NOMO2: variants seen among roughly 807,000 people sequenced by gnomAD.
NOMO2 encodes BOS complex subunit NOMO2.
NOMO2 carries 14 observed loss-of-function variants against 67.1 expected under a neutral mutation model. That is an observed-to-expected ratio of 0.21 (90% CI 0.14 to 0.33). The LOEUF (loss-of-function observed/expected upper bound fraction) is 0.33. NOMO2 is among the 10% of genes least tolerant of loss of function. The probability of loss-of-function intolerance (pLI) is 1.00; values close to 1 mark genes in which losing one functional copy is unlikely to be tolerated. For missense variants in NOMO2, 178 were observed against 761.0 expected (o/e 0.23, Z 9.01); for synonymous variants, 80 against 305.9 (o/e 0.26, Z 7.71).
At chr16:18,559,251 G>A (rs1255735471) in intron 1 of NOMO2, among the ~76,000 whole-genome samples, 1 of 152,028 alleles carries the variant, frequency 6.6e-6, no homozygotes. Flanking sequence ...GCAACACAGT[G>A]TAATACGTAG....
chr16:18,545,318 G>A (rs1166578867), intron 6 of NOMO2, among the ~76,000 whole-genome samples: 75 of 150,588 alleles, frequency 5.0e-4, no homozygotes, highest in Middle Eastern at 3.4e-3. Flanking sequence ...GGTTGGTCTC[G>A]AACTCCTGAC....
intron 6 of NOMO2, among the ~76,000 whole-genome samples, chr16:18,545,341 A>C (rs1901643154): frequency 6.6e-6 from 1 of 151,164 alleles, no homozygotes; most frequent in Non-Finnish European, 1.5e-5. Flanking sequence ...CAAGTGATCC[A>C]CCCACCTCAG....
At chr16:18,545,464 TAAG>T (rs1901646385) in intron 6 of NOMO2, among the ~76,000 whole-genome samples, 1 of 151,720 alleles carries the variant, frequency 6.6e-6, no homozygotes, top group Admixed American at 6.6e-5. Flanking sequence ...TCATAAACAG[TAAG>T]AAGAGACATC....
At chr16:18,544,658 CCA>C in intron 6 of NOMO2, among the ~76,000 whole-genome samples, 1 of 152,208 alleles carries the variant, frequency 6.6e-6, no homozygotes, top group African/African-American at 2.4e-5. Context: ...CGCAACAGTG[CCA>C]CAGTCACTGT....
chr16:18,534,646 G>A (rs1901379322), intron 11 of NOMO2, among the ~76,000 whole-genome samples: 1 of 49,976 alleles, frequency 2.0e-5, no homozygotes, highest in Non-Finnish European at 4.4e-5. Context: ...CCAAGGACCT[G>A]TCATATTCTC....
chr16:18,539,266 CT>C (rs1305341156), intron 9 of NOMO2, among the ~76,000 whole-genome samples: 2 of 150,832 alleles, frequency 1.3e-5, no homozygotes, highest in Non-Finnish European at 3.0e-5. Flanking sequence ...ACCCTTACCC[CT>C]GTGCCATCTC....
chr16:18,535,889 C>A (rs981287410), intron 11 of NOMO2, among the ~76,000 whole-genome samples: 13 of 151,942 alleles, frequency 8.6e-5, no homozygotes, highest in Non-Finnish European at 1.5e-4. Flanking sequence ...CCCTGCCTCT[C>A]GGATTCAAGC....
At chr16:18,528,408 G>A (rs1309072676) in intron 15 of NOMO2, among the ~76,000 whole-genome samples, 1 of 151,990 alleles carries the variant, frequency 6.6e-6, no homozygotes, top group Non-Finnish European at 1.5e-5. Flanking sequence ...TCAAGTTTTT[G>A]TAATTAAGCA....
Position 18,531,584 on chromosome 16 carries a change from G to A in NOMO2, c.1419C>T (p.Thr473=), listed in dbSNP as rs1171101957. 3.1e-6 allele frequency: 5 copies of A among 1,612,326 alleles called. No individual in the cohort carries two copies. Among genetic ancestry groups the A allele is most frequent in the Non-Finnish European group, 4.2e-6 (5 of 1,179,546 alleles). ...GGGGTTTCAACGTCAGCCCTGCTCT[G>A]GTTTCTGCCTCAGGAACCATCACCT... ...KVQVMVPEAE[T]RAGLTLKPQT... is the part of the protein sequence containing the mutation. The change falls in exon 13 of 31, where the codon ACC becomes ACT. Residue 473 remains threonine, a synonymous_variant. Coordinates refer to ENST00000622306, the MANE Select transcript of NOMO2 (RefSeq NM_173614.4).
chr16:18,551,823 T>C (rs1901794987), intron 3 of NOMO2, among the ~76,000 whole-genome samples: 2 of 151,908 alleles, frequency 1.3e-5, no homozygotes, highest in African/African-American at 4.8e-5. Flanking sequence ...CTAAGTTATA[T>C]CTCAGAGTTC....
chr16:18,561,316 G>T (rs980394392), intron 1 of NOMO2, among the ~76,000 whole-genome samples: 4 of 150,028 alleles, frequency 2.7e-5, no homozygotes, highest in African/African-American at 7.4e-5. Context: ...ATAAAAAATA[G>T]CTTTCCGGCC....
chr16:18,528,838 C>T (rs1167593164), intron 15 of NOMO2, among the ~76,000 whole-genome samples: 2 of 149,674 alleles, frequency 1.3e-5, no homozygotes, highest in East Asian at 3.9e-4. Context: ...CATGGCGGCA[C>T]GCACCTCTAG....
At chr16:18,532,514 C>A (rs1468321671) in intron 12 of NOMO2, among the ~76,000 whole-genome samples, 2 of 151,664 alleles carry the variant, frequency 1.3e-5, no homozygotes, top group African/African-American at 4.8e-5. Flanking sequence ...GTGGCTTGGG[C>A]CTTCACCATG....
chr16:18,528,984 A>T (rs1461610663), intron 15 of NOMO2, among the ~76,000 whole-genome samples: 4 of 97,254 alleles, frequency 4.1e-5, no homozygotes, highest in South Asian at 3.4e-4. Context: ...AAAAAAAAAA[A>T]AAAAATACAT....
chr16:18,556,643 C>T (rs1355924326), intron 2 of NOMO2, among the ~76,000 whole-genome samples: 4 of 151,926 alleles, frequency 2.6e-5, no homozygotes, highest in African/African-American at 4.8e-5. Context: ...ATTTTTGCAA[C>T]TTCCTATGAA....
chr16:18,529,941 C>T (rs1901257799), intron 14 of NOMO2, among the ~76,000 whole-genome samples: 1 of 149,384 alleles, frequency 6.7e-6, no homozygotes, highest in African/African-American at 2.5e-5. Flanking sequence ...CATAGCAAAA[C>T]CCCATCTCTA....
intron 3 of NOMO2, among the ~76,000 whole-genome samples, chr16:18,552,583 A>G (rs1567246110): frequency 6.7e-6 from 1 of 148,878 alleles, no homozygotes; most frequent in Non-Finnish European, 1.5e-5. Context: ...TAAACATACG[A>G]AAAAGTGTGC....
chr16:18,554,289 G>C (rs892141167), intron 3 of NOMO2, among the ~76,000 whole-genome samples: 6 of 151,918 alleles, frequency 3.9e-5, no homozygotes, highest in Non-Finnish European at 8.8e-5. Flanking sequence ...ACCCTTGCTC[G>C]ACAGTGAGGA....
chr16:18,529,905 C>T (rs561175657), intron 14 of NOMO2, among the ~76,000 whole-genome samples: 2 of 151,312 alleles, frequency 1.3e-5, no homozygotes, highest in East Asian at 3.9e-4. Flanking sequence ...GGCTTGAAGC[C>T]AGGAGTTCAA....
Sources: gnomAD v4.1 joint callset for allele counts (sites outside exome capture counted in the v4.1 genomes callset) on GRCh38, gnomAD v4.1.1 for gene constraint, MANE v1.5 for transcripts, NCBI Gene and HGNC (gene_info 2026-07-23, HGNC 2026-07-21) for gene names.